Variants in TUB observed in about 807,000 individuals in gnomAD.
TUB encodes tubby protein homolog.
TUB carries 33 observed loss-of-function variants against 59.7 expected under a neutral mutation model. That is an observed-to-expected ratio of 0.55 (90% confidence interval 0.42 to 0.74). TUB has a LOEUF of 0.74. Among genes scored for constraint, TUB ranks in the 30% least tolerant of loss-of-function variants. The pLI, the probability that TUB is intolerant of heterozygous loss-of-function variation, is 0.00. For missense variants in TUB, 659 were observed against 672.0 expected (o/e 0.98, Z 0.21); for synonymous variants, 293 against 256.4 (o/e 1.14, Z -1.36).
In TUB at chr11:8,070,349, TG is replaced by T. The variant is rs201962228; in HGVS notation, c.204-19259del. On this transcript the variant is annotated intron_variant, in intron 2 of 12. Coordinates refer to the TUB transcript ENST00000305253. ...TATATGAATCACAAATCAGTCTCAT[TG>T]GTATTATTTTAAAACTTTTCATATG... 9.0e-3 allele frequency among the ~76,000 whole-genome samples: 1,378 copies of T among 152,328 alleles called. 26 individuals are homozygous for T. Among genetic ancestry groups the T allele is most frequent in the African/African-American group, 0.031 (1,301 of 41,562 alleles).
rs1264545665 is a variant in TUB at position 8,103,873 on chromosome 11, AC to A, written c.*2255del. ...CGGTGGCAGTGGAAAAATCAGAAGC[AC>A]AAAGGAAAACTCTTGGCCTCTGCTT... On this transcript the variant is annotated 3_prime_UTR_variant, in exon 12 of 12. Transcript: ENST00000299506. 2.0e-5 allele frequency: 3 copies of A among 152,336 alleles called. No individual in the cohort carries two copies. Among genetic ancestry groups the A allele is most frequent in the African/African-American group, 7.2e-5 (3 of 41,468 alleles). 9.4% of individuals were successfully genotyped at this position (152,336 alleles called of 1,614,324 possible).
intron 1 of TUB, among the ~76,000 whole-genome samples, chr11:8,021,864 C>G (rs1483017765): frequency 6.7e-6 from 1 of 149,832 alleles, no homozygotes; most frequent in Non-Finnish European, 1.5e-5. Flanking sequence ...TGCAGTGAGC[C>G]GAGATCACGC....
chr11:8,082,526 C>T (rs1446598121), intron 1 of TUB, among the ~76,000 whole-genome samples: 1 of 152,190 alleles, frequency 6.6e-6, no homozygotes. Flanking sequence ...ACGGGGCTGT[C>T]TCTGTGGAAA....
At chr11:8,086,742 GC>G (rs1291785425) in intron 1 of TUB, among the ~76,000 whole-genome samples, 11 of 152,164 alleles carry the variant, frequency 7.2e-5, no homozygotes, top group African/African-American at 2.7e-4. Context: ...CCCGGTGGCC[GC>G]CCCCCAGCTG....
intron 2 of TUB, among the ~76,000 whole-genome samples, chr11:8,043,009 A>G (rs758564805): frequency 6.6e-6 from 1 of 152,160 alleles, no homozygotes. Context: ...AAGAAACTGT[A>G]GGATTTTTTA....
At chr11:8,033,922 A>G (rs1942610776), upstream of TUB, among the ~76,000 whole-genome samples, 1 of 152,212 alleles carries the variant, frequency 6.6e-6, no homozygotes, top group Non-Finnish European at 1.5e-5. Flanking sequence ...GCATTCTAGG[A>G]GTTCTCTAGA....
chr11:8,033,471 G>A (rs915635052), intron 1 of TUB, among the ~76,000 whole-genome samples: 2 of 152,218 alleles, frequency 1.3e-5, no homozygotes, highest in African/African-American at 2.4e-5. Flanking sequence ...CACCAGGCTT[G>A]ATTAGCTTTG....
Position 8,097,408 on chromosome 11 carries a change from C to T in TUB, c.868C>T (p.Arg290Cys), listed in dbSNP as rs745847244. Residue 290 changes from arginine (R) to cysteine (C), a missense_variant, in exon 7 of 12, where the codon CGT (arginine) becomes TGT (cysteine). This residue lies in a region of TUB where 112 missense variants were observed against 156.9 expected (regional missense o/e 0.71). Coordinates refer to ENST00000299506, the MANE Select transcript of TUB (RefSeq NM_177972.3). ...CCCCACCTACTTTCTGCACCTGGAC[C>T]GTGAGGATGGGAAGAAGGTAAGGTT... is the stretch of plus-strand genomic sequence containing the variant. ...MYPTYFLHLD[R>C]EDGKKVFLLA... The T allele has an allele frequency of 2.8e-5, 46 of 1,614,046 alleles. No homozygotes were observed. Among genetic ancestry groups the T allele is most frequent in the Non-Finnish European group, 3.7e-5 (44 of 1,180,026 alleles).
chr11:8,075,335 A>G (rs1589952085), intron 2 of TUB, among the ~76,000 whole-genome samples: 1 of 152,206 alleles, frequency 6.6e-6, no homozygotes, highest in African/African-American at 2.4e-5. Context: ...TCTGGGCTCT[A>G]CAATGCTCAT....
At chr11:8,073,339 G>C (rs1029449984) in intron 2 of TUB, among the ~76,000 whole-genome samples, 1 of 152,210 alleles carries the variant, frequency 6.6e-6, no homozygotes, top group Non-Finnish European at 1.5e-5. Context: ...TTGCATTTCA[G>C]GGACTGATTC....
intron 11 of TUB, among the ~76,000 whole-genome samples, chr11:8,101,268 G>T (rs1272947799): frequency 6.6e-6 from 1 of 152,132 alleles, no homozygotes; most frequent in Non-Finnish European, 1.5e-5. Context: ...TCTGTCCCCT[G>T]GTGTTCACAT....
chr11:8,026,416 A>T (rs1942500924), intron 1 of TUB, among the ~76,000 whole-genome samples: 1 of 151,864 alleles, frequency 6.6e-6, no homozygotes, highest in East Asian at 1.9e-4. Context: ...TTTACATTTT[A>T]AATTTAGATC....
chr11:8,078,607 T>C (rs1177192577), upstream of TUB, among the ~76,000 whole-genome samples: 2 of 152,132 alleles, frequency 1.3e-5, no homozygotes, highest in Admixed American at 1.3e-4. Flanking sequence ...TTAACACTCA[T>C]GCACTCCATA....
chr11:8,039,069 C>A (rs990334259), intron 1 of TUB: 6 of 1,600,302 alleles, frequency 3.7e-6, no homozygotes, highest in Middle Eastern at 2.3e-4. Context: ...TGGGCCCAAC[C>A]ATTGCGTCAG....
intron 2 of TUB, among the ~76,000 whole-genome samples, chr11:8,057,351 C>A (rs1271804567): frequency 6.6e-6 from 1 of 150,674 alleles, no homozygotes. Flanking sequence ...TAACGAGATG[C>A]AGATGAACTG....
intron 2 of TUB, among the ~76,000 whole-genome samples, chr11:8,060,255 G>GA (rs1429401407): frequency 6.6e-6 from 1 of 152,206 alleles, no homozygotes; most frequent in African/African-American, 2.4e-5. Context: ...AACTAGTGCT[G>GA]AAGGGCCAAG....
At chr11:8,027,677 G>A (rs1942518194) in intron 1 of TUB, among the ~76,000 whole-genome samples, 2 of 152,042 alleles carry the variant, frequency 1.3e-5, no homozygotes, top group South Asian at 4.2e-4. Flanking sequence ...ACAACGCCTG[G>A]CTATTTTTTG....
chr11:8,030,658 G>T (rs1942556327), intron 1 of TUB, among the ~76,000 whole-genome samples: 1 of 152,204 alleles, frequency 6.6e-6, no homozygotes, highest in African/African-American at 2.4e-5. Context: ...ATTTCTGCAG[G>T]TGAACAATGC....
rs1232285856 is a variant in TUB, at chr11:8,106,049, AG to A, written c.*4431del. The A allele has an allele frequency of 1.3e-5, 2 of 152,208 alleles. No individual in the cohort carries two copies. Among genetic ancestry groups the A allele is most frequent in the Non-Finnish European group, 2.9e-5 (2 of 68,036 alleles). The allele number at this position is 152,208 out of a possible 1,614,324, so 9.4% of individuals were successfully genotyped here. A position where few individuals can be genotyped will look rare whatever the true frequency, so the allele number is the denominator to read the frequency against. On this transcript the variant is annotated 3_prime_UTR_variant, in exon 12 of 12. Transcript: ENST00000299506. ...TTTGTTCAAGATTATCTGGCGTTTTAGACAAATTTGCAAAACTGTGCTTTTA... is the reference window on the plus strand; with the variant it reads ...TTTGTTCAAGATTATCTGGCGTTTTAACAAATTTGCAAAACTGTGCTTTTA...
Sources: gnomAD v4.1 joint callset for allele counts (sites outside exome capture counted in the v4.1 genomes callset) on GRCh38, gnomAD v4.1.1 for gene constraint, gnomAD v4.1.1 regional missense constraint, MANE v1.5 for transcripts, NCBI Gene and HGNC (gene_info 2026-07-23, HGNC 2026-07-21) for gene names.